Variants in MYO16 observed in about 807,000 individuals in gnomAD.
MYO16 encodes unconventional myosin-XVI.
In MYO16, 94 loss-of-function variants were observed where a neutral mutation model predicts 205.3. The ratio of observed to expected loss-of-function variants is 0.46; its 90% confidence interval spans 0.39 to 0.54. The LOEUF is 0.54. MYO16 is among the 20% of genes least tolerant of loss of function. The probability of loss-of-function intolerance (pLI) is 0.00; values close to 1 mark genes in which losing one functional copy is unlikely to be tolerated. For missense variants in MYO16, 2,315 were observed against 2,387.5 expected, an observed-to-expected ratio of 0.97 and a Z score of 0.63; for synonymous variants, 988 against 954.0, an observed-to-expected ratio of 1.04 and a Z score of -0.66.
chr13:108,953,922 C>A (rs1283218994), intron 16 of MYO16, among the ~76,000 whole-genome samples: 1 of 152,142 alleles, frequency 6.6e-6, no homozygotes, highest in African/African-American at 2.4e-5. Flanking sequence ...TGCTCACAAC[C>A]AAGCTGAAGC....
At chr13:108,743,753 T>C (rs1884978634) in intron 4 of MYO16, among the ~76,000 whole-genome samples, 2 of 152,240 alleles carry the variant, frequency 1.3e-5, no homozygotes, top group African/African-American at 4.8e-5. Flanking sequence ...TGCAGGCAAC[T>C]GCTGGAACCA....
At chr13:108,827,354 T>C (rs1876331808) in intron 9 of MYO16, among the ~76,000 whole-genome samples, 1 of 152,190 alleles carries the variant, frequency 6.6e-6, no homozygotes, top group African/African-American at 2.4e-5. Flanking sequence ...TACAGTAAAC[T>C]CATATTTATT....
chr13:108,690,860 G>C (rs140813179), intron 2 of MYO16, among the ~76,000 whole-genome samples: 1 of 152,064 alleles, frequency 6.6e-6, no homozygotes, highest in African/African-American at 2.4e-5. Flanking sequence ...ATTCCAAAAG[G>C]TATGAAATTT....
Position 109,141,793 on chromosome 13 carries a change from C to G in MYO16, c.5164+417C>G, listed in dbSNP as rs944805177. On this transcript the variant is annotated intron_variant, in intron 32 of 34. Transcript: ENST00000457511. This position sits in a 1 kb window ranked among gnomAD's most constrained non-coding sequence, Gnocchi z 4.1. ...TGATGTACAGTTCACAGCTAATCCC[C>G]GAGCGTGCGGTTTGCCATCCATCTA... 1.2e-4 allele frequency among the ~76,000 whole-genome samples: 18 copies of G among 152,262 alleles called. No individual in the cohort carries two copies. The highest frequency in any genetic ancestry group is 4.1e-4 in the African/African-American group (17 of 41,550).
At chr13:108,615,560 T>C (rs1477450581) in intron 1 of MYO16, among the ~76,000 whole-genome samples, 1 of 152,096 alleles carries the variant, frequency 6.6e-6, no homozygotes, top group African/African-American at 2.4e-5. Flanking sequence ...TAAGTGTCCA[T>C]CTACTGAAAG....
At chr13:109,013,857 C>T (rs9587743) in intron 22 of MYO16, among the ~76,000 whole-genome samples, 2,574 of 151,974 alleles carry the variant, frequency 0.017, 76 homozygotes, top group African/African-American at 0.059. Context: ...TTGTAGATTC[C>T]GGATATTAGC....
At chr13:109,203,526 G>A (rs1304878466) in intron 34 of MYO16, among the ~76,000 whole-genome samples, 4 of 151,294 alleles carry the variant, frequency 2.6e-5, no homozygotes, top group East Asian at 1.9e-4. Flanking sequence ...GTAGTTCCTC[G>A]CTGGGCTGTG....
At chr13:108,991,789 C>A (rs754115872) in intron 20 of MYO16, among the ~76,000 whole-genome samples, 1 of 152,136 alleles carries the variant, frequency 6.6e-6, no homozygotes, top group Non-Finnish European at 1.5e-5. Context: ...AGGCTCAGTT[C>A]CTTAAGGGAA....
At chr13:109,096,305 TCAC>T (rs1888773901) in intron 27 of MYO16, among the ~76,000 whole-genome samples, 1 of 152,176 alleles carries the variant, frequency 6.6e-6, no homozygotes, top group Non-Finnish European at 1.5e-5. Flanking sequence ...TCTGCCTGCA[TCAC>T]GTGGCCCTCT....
At chr13:108,576,182 G>A in the MYO16 span, among the ~76,000 whole-genome samples, 5 of 152,136 alleles carry the variant, frequency 3.3e-5, no homozygotes, top group African/African-American at 1.2e-4. Flanking sequence ...TAATGAAACA[G>A]GTGGCAGATG....
intron 32 of MYO16, among the ~76,000 whole-genome samples, chr13:109,158,122 T>C (rs898416709): frequency 6.6e-6 from 1 of 152,122 alleles, no homozygotes; most frequent in Non-Finnish European, 1.5e-5. Flanking sequence ...GCTCTCATGT[T>C]CCCCAGAGTG....
At chr13:108,675,377 T>C (rs1403625587) in intron 2 of MYO16, among the ~76,000 whole-genome samples, 1 of 152,206 alleles carries the variant, frequency 6.6e-6, no homozygotes, top group African/African-American at 2.4e-5. Flanking sequence ...AAGATGCCCA[T>C]TTCCAAATCA....
intron 2 of MYO16, among the ~76,000 whole-genome samples, chr13:108,677,897 G>A (rs1214687751): frequency 6.6e-6 from 1 of 152,170 alleles, no homozygotes; most frequent in Non-Finnish European, 1.5e-5. Flanking sequence ...TATAAACCTA[G>A]AGTTTTCTGA....
At chr13:109,092,290 T>C (rs899069563) in intron 27 of MYO16, among the ~76,000 whole-genome samples, 10 of 151,400 alleles carry the variant, frequency 6.6e-5, no homozygotes, top group Non-Finnish European at 1.3e-4. Flanking sequence ...TAGTCTTTTT[T>C]TAAGTAGTCA....
chr13:108,495,948 C>T, the MYO16 span, among the ~76,000 whole-genome samples: 1 of 151,950 alleles, frequency 6.6e-6, no homozygotes, highest in Non-Finnish European at 1.5e-5. Context: ...CGGGGCGCTG[C>T]GCGCGGTCCA....
chr13:108,676,646 G>A (rs1882224868), intron 2 of MYO16, among the ~76,000 whole-genome samples: 1 of 152,162 alleles, frequency 6.6e-6, no homozygotes, highest in Non-Finnish European at 1.5e-5. Flanking sequence ...CACAGAGGGA[G>A]GGCAGCATGA....
chr13:108,649,080 G>T (rs1713530576), intron 1 of MYO16, among the ~76,000 whole-genome samples: 1 of 150,560 alleles, frequency 6.6e-6, no homozygotes, highest in South Asian at 2.1e-4. Flanking sequence ...GTTGTGGGAT[G>T]GGGGGAGGGG....
chr13:109,106,452 G>A (rs1360209846), intron 28 of MYO16, among the ~76,000 whole-genome samples: 1 of 152,144 alleles, frequency 6.6e-6, no homozygotes, highest in Non-Finnish European at 1.5e-5. Context: ...CAGCAGTTAG[G>A]CCCCTGTGGA....
chr13:109,038,862 T>G (rs277827), intron 23 of MYO16, among the ~76,000 whole-genome samples: 143,745 of 152,168 alleles, frequency 0.94, 67,930 homozygotes, highest in East Asian at 0.99. Context: ...TAGGATCTTA[T>G]TACTGTGCTA....
Sources: gnomAD v4.1 joint callset for allele counts (sites outside exome capture counted in the v4.1 genomes callset) on GRCh38, gnomAD v4.1.1 for gene constraint, Gnocchi (gnomAD v3.1) non-coding constraint, MANE v1.5 for transcripts, NCBI Gene and HGNC (gene_info 2026-07-23, HGNC 2026-07-21) for gene names.